The following FLCN variants were observed in gnomAD, a reference collection of about 807,000 sequenced individuals.
The protein encoded by FLCN is folliculin.
FLCN carries 22 observed loss-of-function variants against 62.5 expected under a neutral mutation model. The ratio of observed to expected loss-of-function variants is 0.35; its 90% CI spans 0.25 to 0.50. FLCN has a LOEUF of 0.50. Among genes scored for constraint, FLCN ranks in the 20% least tolerant of loss-of-function variants. FLCN has a pLI of 0.97. For missense variants in FLCN, 657 were observed against 778.0 expected, an observed-to-expected ratio of 0.84 and a Z score of 1.85; for synonymous variants, 319 against 310.0, an observed-to-expected ratio of 1.03 and a Z score of -0.30.
chr17:17,222,724 C>A, intron 6 of FLCN, 63 bp from the exon 7 acceptor site: 1 of 1,606,718 alleles, frequency 6.2e-7, no homozygotes, highest in Non-Finnish European at 8.5e-7. Flanking sequence ...CGGACCCCTA[C>A]TCGTTCACAG....
chr17:17,221,338 G>A (rs774444034), intron 8 of FLCN, 199 bp downstream of exon 8: 18 of 1,569,322 alleles, frequency 1.1e-5, no homozygotes, highest in Non-Finnish European at 1.6e-5. Flanking sequence ...TCACATGGCG[G>A]TCAAGGCAAA....
At chr17:17,230,403 C>T (rs1032796210) in intron 3 of FLCN, among the ~76,000 whole-genome samples, 2 of 151,986 alleles carry the variant, frequency 1.3e-5, no homozygotes, top group African/African-American at 2.4e-5. Context: ...TGGTGGTGTG[C>T]GCTGGTAGTC....
rs2047246681 is a variant in FLCN, at chr17:17,226,279, T to A, written c.293A>T (p.His98Leu). ...GTATTTAATGGAGGTCTCTTTATCA[T>A]GGCTGATATATCCCGGGTGCCCTGC... Reference protein sequence around the residue: ...LAAGHPGYISHDKETSIKYVS... With the variant: ...LAAGHPGYISLDKETSIKYVS... Residue 98 changes from histidine to leucine, a missense_variant, in exon 5 of 14, where the codon CAT (histidine) becomes CTT (leucine). His to Leu is a moderately conservative substitution (Grantham distance 99). Coordinates refer to ENST00000285071, the MANE Select transcript of FLCN (RefSeq NM_144997.7). 1.2e-6 allele frequency: 2 copies of A among 1,614,042 alleles called. No homozygotes were observed. Among genetic ancestry groups the A allele is most frequent in the African/African-American group, 1.3e-5 (1 of 74,918 alleles).
chr17:17,212,915 C>T lies in FLCN; in HGVS notation c.*740G>A, dbSNP rs2046798238. 1 of 233,770 alleles carries T rather than the reference C, an allele frequency of 4.3e-6. No individual in the cohort carries two copies. Among genetic ancestry groups the T allele is most frequent in the Non-Finnish European group, 8.4e-6 (1 of 118,518 alleles). The allele number at this position is 233,770 out of a possible 1,614,324, so 14.5% of individuals were successfully genotyped here. On this transcript the variant is annotated 3_prime_UTR_variant, in exon 14 of 14. Coordinates refer to ENST00000285071, the MANE Select transcript of FLCN (RefSeq NM_144997.7). ...AAAGCGATACAGAATAAAAGCATGG[C>T]GGGGCTCACCATATCCAGGGGATTG...
At chr17:17,233,283 T>G (rs1394553425) in intron 1 of FLCN, among the ~76,000 whole-genome samples, 1 of 151,912 alleles carries the variant, frequency 6.6e-6, no homozygotes, top group African/African-American at 2.4e-5. Flanking sequence ...TGAGACCCTG[T>G]CTCTACAAAA....
chr17:17,218,640 C>T (rs1744981678), intron 9 of FLCN, among the ~76,000 whole-genome samples: 1 of 152,134 alleles, frequency 6.6e-6, no homozygotes, highest in East Asian at 1.9e-4. Flanking sequence ...CTTGGCCTCC[C>T]AAAGTGCTGG....
In FLCN at chr17:17,215,574, T is replaced by C. The variant is rs549621591; in HGVS notation, c.1301-258A>G. 2.6e-5 allele frequency among the ~76,000 whole-genome samples: 4 copies of C among 152,254 alleles called. No individual in the cohort carries two copies. The South Asian group carries it at 8.3e-4, about 31-fold the overall frequency. On this transcript the variant is annotated intron_variant, in intron 11 of 13. Transcript: ENST00000285071. Reference sequence around the variant, plus strand: ...ACAAAGTACTTTATATACATCAATTTACCTCTGGCTAAGCAGCCCTATGAG... The same window carrying C: ...ACAAAGTACTTTATATACATCAATTCACCTCTGGCTAAGCAGCCCTATGAG...
chr17:17,229,874 A>C (rs1035647357), intron 3 of FLCN, among the ~76,000 whole-genome samples: 1 of 152,228 alleles, frequency 6.6e-6, no homozygotes, highest in African/African-American at 2.4e-5. Flanking sequence ...GCTTGGCCAC[A>C]GTACAGCTGC....
At chr17:17,221,130 G>A in intron 8 of FLCN, 1 of 1,389,478 alleles carries the variant, frequency 7.2e-7, no homozygotes. Flanking sequence ...CACCTGGGAG[G>A]TCAGGGAACC....
At chr17:17,230,488 CCACGG>C (rs1209296139) in intron 3 of FLCN, among the ~76,000 whole-genome samples, 1 of 151,372 alleles carries the variant, frequency 6.6e-6, no homozygotes, top group East Asian at 1.9e-4. Context: ...CGAGATCGCA[CCACGG>C]CACTCGAGCC....
chr17:17,216,887 TG>T lies in FLCN; in HGVS notation c.1176+181del. The T allele has an allele frequency of 1.5e-6, 1 of 663,814 alleles. No homozygotes were observed. The highest frequency in any genetic ancestry group is 1.6e-5 in the South Asian group (1 of 60,958). 41.1% of individuals were successfully genotyped at this position (663,814 alleles called of 1,614,324 possible). On this transcript the variant is annotated intron_variant, in intron 10 of 13. Coordinates refer to ENST00000285071, the MANE Select transcript of FLCN (RefSeq NM_144997.7). This position sits in a 1 kb window ranked among gnomAD's most constrained non-coding sequence, Gnocchi z 4.0. ...CAGTCAGCAGGCACACGCATCCTTC[TG>T]ATGATTTAAACATCATCAGACCAGA...
intron 3 of FLCN, among the ~76,000 whole-genome samples, chr17:17,231,305 C>T (rs1192726379): frequency 6.6e-6 from 1 of 152,196 alleles, no homozygotes; most frequent in Admixed American, 6.5e-5. Flanking sequence ...ACGACTCACG[C>T]CACCCCTCTG....
At position 17,216,855 on chromosome 17, in the gene FLCN, GC is replaced by G. The variant is rs2046940375; in HGVS notation, c.1176+213del. The G allele has an allele frequency of 1.6e-6, 1 of 634,570 alleles. No individual in the cohort carries two copies. The highest frequency in any genetic ancestry group is 1.8e-5 in the African/African-American group (1 of 55,360). The allele number at this position is 634,570 out of a possible 1,614,324, so 39.3% of individuals were successfully genotyped here. On this transcript the variant is annotated intron_variant, in intron 10 of 13. Transcript: ENST00000285071. The surrounding 1 kb of genome is among the most constrained non-coding windows in gnomAD (Gnocchi z 4.0). ...CATATGCATTTTTGTTCCCTCTCAG[GC>G]CTGGGCAGTCAGCAGGCACACGCAT... is the stretch of plus-strand genomic sequence containing the variant.
intron 9 of FLCN, 127 bp from the exon 10 acceptor site, chr17:17,217,309 T>C (rs2046956180): frequency 4.0e-6 from 3 of 746,160 alleles, no homozygotes; most frequent in African/African-American, 1.7e-5. Flanking sequence ...GAAAGACACT[T>C]ATCTTCTCAG....
At chr17:17,234,923 AAC>A (rs1437026380) in intron 1 of FLCN, among the ~76,000 whole-genome samples, 4 of 152,136 alleles carry the variant, frequency 2.6e-5, no homozygotes, top group African/African-American at 9.6e-5. Context: ...CATCCTGGCT[AAC>A]ACAGTGAAAC....
rs781291336 is a variant in FLCN, at chr17:17,216,965, C to T, written c.1176+104G>A. On this transcript the variant is annotated intron_variant, in intron 10 of 13. Coordinates refer to ENST00000285071, the MANE Select transcript of FLCN (RefSeq NM_144997.7). The surrounding 1 kb of genome is among the most constrained non-coding windows in gnomAD (Gnocchi z 4.0). ...CCAGTGGAGACCGTGTGGTGCACAG[C>T]GGTTCTGTGCTGGGCAGTCGGTGCA... 1.2e-5 allele frequency: 10 copies of T among 843,938 alleles called. No individual in the cohort carries two copies. The highest frequency in any genetic ancestry group is 1.7e-5 in the African/African-American group (1 of 60,010). The allele number at this position is 843,938 out of a possible 1,614,324, so 52.3% of individuals were successfully genotyped here.
In FLCN at chr17:17,215,375, G is replaced by A. The variant is rs34311146; in HGVS notation, c.1301-59C>T. ...CCCCCATGCTCCTCACCTCCCCTGCGCTAGCCCACCGTGGGCCCCACTCCG... is the reference window on the plus strand; with the variant it reads ...CCCCCATGCTCCTCACCTCCCCTGCACTAGCCCACCGTGGGCCCCACTCCG... On this transcript the variant is annotated intron_variant, in intron 11 of 13. Coordinates refer to ENST00000285071, the MANE Select transcript of FLCN (RefSeq NM_144997.7). 0.17 allele frequency: 273,282 copies of A among 1,610,620 alleles called. 25,829 individuals are homozygous for A. The highest frequency in any genetic ancestry group is 0.23 in the Middle Eastern group (1,364 of 6,048).
At position 17,216,091 on chromosome 17, in the gene FLCN, T is replaced by A. The variant is rs2046910656; in HGVS notation, c.1300+289A>T. The stretch of plus-strand genomic sequence containing the variant: ...AGGCCTCCATCTCATAGGCACCCAA[T>A]CACCAGGACGACCAGGATCCTCCGG... On this transcript the variant is annotated intron_variant, in intron 11 of 13. Coordinates refer to ENST00000285071, the MANE Select transcript of FLCN (RefSeq NM_144997.7). The surrounding 1 kb of genome is among the most constrained non-coding windows in gnomAD (Gnocchi z 4.0). Among the ~76,000 whole-genome samples the A allele has an allele frequency of 6.6e-6, 1 of 151,968 alleles. No homozygotes were observed. Among genetic ancestry groups the A allele is most frequent in the Non-Finnish European group, 1.5e-5 (1 of 67,988 alleles).
At position 17,228,133 on chromosome 17, in the gene FLCN, T is replaced by C; in HGVS notation, c.5A>G (p.Asn2Ser). M[N>S]AIVALCHFCE... Reference sequence around the variant, plus strand: ...GAAGTGGCAGAGAGCCACGATGGCATTCATGGTGCCTTGGAGACTGCAACA... The same window carrying C: ...GAAGTGGCAGAGAGCCACGATGGCACTCATGGTGCCTTGGAGACTGCAACA... The change falls in exon 4 of 14, where the codon AAT (asparagine) becomes AGT (serine). Residue 2 changes from asparagine (N) to serine (S), a missense_variant. Asn to Ser is a conservative substitution (Grantham distance 46, BLOSUM62 1). Transcript: ENST00000285071. 1 of 1,612,754 alleles carries C rather than the reference T, an allele frequency of 6.2e-7. No individual in the cohort carries two copies. The highest frequency in any genetic ancestry group is 8.5e-7 in the Non-Finnish European group (1 of 1,180,006).
Sources: allele counts gnomAD v4.1 joint callset (sites outside exome capture counted in the v4.1 genomes callset), GRCh38; gene constraint gnomAD v4.1.1; non-coding constraint Gnocchi (gnomAD v3.1); transcripts MANE v1.5; gene names NCBI Gene and HGNC (gene_info 2026-07-23, HGNC 2026-07-21).